Variants in FGL1 observed in about 807,000 individuals in gnomAD.
FGL1 encodes fibrinogen-like protein 1.
A neutral mutation model predicts 43.7 loss-of-function variants in FGL1; 59 were observed. The ratio of observed to expected loss-of-function variants is 1.35; its 90% CI spans 1.10 to 1.68. The LOEUF (loss-of-function observed/expected upper bound fraction) is 1.68, where lower values mean the gene tolerates loss of function less well. FGL1 is among the 40% of genes most tolerant of loss of function. The pLI is 0.00. For missense variants in FGL1, 596 were observed against 373.0 expected (o/e 1.60, Z -4.92); for synonymous variants, 192 against 126.5 (o/e 1.52, Z -3.48).
intron 5 of FGL1, among the ~76,000 whole-genome samples, chr8:17,871,427 C>A (rs905908403): frequency 6.9e-6 from 1 of 144,462 alleles, no homozygotes. Context: ...CAAGAGTCAG[C>A]GGTTTTAGTG....
intron 1 of FGL1, among the ~76,000 whole-genome samples, chr8:17,888,057 A>G (rs419910): frequency 0.66 from 100,523 of 151,614 alleles, 34,076 homozygotes; most frequent in Middle Eastern, 0.74. Context: ...AGAAATAGTA[A>G]TCTTAGGCCC....
chr8:17,892,653 A>G (rs930368461), intron 1 of FGL1, among the ~76,000 whole-genome samples: 3 of 152,224 alleles, frequency 2.0e-5, no homozygotes, highest in Admixed American at 6.5e-5. Flanking sequence ...TTTTTCCTTG[A>G]TAAATGAAAC....
intron 7 of FGL1, among the ~76,000 whole-genome samples, chr8:17,864,953 A>T (rs1181086040): frequency 2.6e-5 from 4 of 151,078 alleles, no homozygotes; most frequent in African/African-American, 7.3e-5. Flanking sequence ...TTATTTTTTA[A>T]TTTTTTTTTA....
chr8:17,866,301 A>G (rs1190815879), intron 7 of FGL1, among the ~76,000 whole-genome samples: 3 of 152,170 alleles, frequency 2.0e-5, no homozygotes, highest in African/African-American at 7.2e-5. Flanking sequence ...GTGAAATGCT[A>G]CACTAACAAA....
intron 7 of FGL1, 161 bp downstream of exon 7, chr8:17,868,387 A>C: frequency 2.0e-6 from 1 of 493,924 alleles, no homozygotes. Context: ...ACAAATCCTC[A>C]AAACGACTTC....
chr8:17,867,690 C>T (rs1387228316), intron 7 of FGL1, among the ~76,000 whole-genome samples: 1 of 152,232 alleles, frequency 6.6e-6, no homozygotes, highest in Non-Finnish European at 1.5e-5. Flanking sequence ...GGAGGGCTTT[C>T]AGCGTGGATA....
At chr8:17,871,595 T>C (rs978474156) in intron 5 of FGL1, among the ~76,000 whole-genome samples, 1 of 152,194 alleles carries the variant, frequency 6.6e-6, no homozygotes, top group African/African-American at 2.4e-5. Flanking sequence ...GTAAACAAAT[T>C]ATATTTACCA....
intron 7 of FGL1, among the ~76,000 whole-genome samples, chr8:17,865,754 G>A (rs2053261019): frequency 6.6e-6 from 1 of 152,136 alleles, no homozygotes; most frequent in African/African-American, 2.4e-5. Flanking sequence ...ATGAAAAGAT[G>A]TCAGAATTAG....
At chr8:17,882,292 G>C in intron 2 of FGL1, 113 bp from the exon 3 acceptor site, 2 of 975,558 alleles carry the variant, frequency 2.1e-6, no homozygotes, top group African/African-American at 1.6e-5. Flanking sequence ...TCCCATTTCA[G>C]AATATTATTC....
In FGL1 at chr8:17,864,480, A is replaced by C; in HGVS notation, c.*112T>G. 8.8e-7 allele frequency: 1 copy of C among 1,137,256 alleles called. No homozygotes were observed. The highest frequency in any genetic ancestry group is 2.6e-5 in the East Asian group (1 of 38,138). 70.4% of individuals were successfully genotyped at this position (1,137,256 alleles called of 1,614,324 possible). The stretch of plus-strand genomic sequence containing the variant: ...ACAAAGGCAAGTGAGAAGAATGAAA[A>C]GCACTACTCACAACAGTTATCATGA... On this transcript the variant is annotated 3_prime_UTR_variant, in exon 8 of 8. Coordinates refer to ENST00000427924, the MANE Select transcript of FGL1 (RefSeq NM_004467.4).
rs1415754951 is a variant in FGL1, at chr8:17,894,075, C to T, written c.-18+1372G>A. Among the ~76,000 whole-genome samples, 2 of 146,312 alleles carry T rather than the reference C, an allele frequency of 1.4e-5. 1 individual carries two copies. Among genetic ancestry groups the T allele is most frequent in the African/African-American group, 5.4e-5 (2 of 37,150 alleles). On this transcript the variant is annotated intron_variant, in intron 1 of 7. Transcript: ENST00000427924. ...TTTAAAAAAAATTTAATTAATTACGCTGCATTAAATTTAAAGATGAAGACA... is the reference window on the plus strand; with the variant it reads ...TTTAAAAAAAATTTAATTAATTACGTTGCATTAAATTTAAAGATGAAGACA...
chr8:17,884,062 T>C (rs2053591621), intron 2 of FGL1, among the ~76,000 whole-genome samples: 1 of 150,520 alleles, frequency 6.6e-6, no homozygotes, highest in Admixed American at 6.6e-5. Context: ...TTTCTTTTGT[T>C]CTTTTCCTTT....
intron 1 of FGL1, among the ~76,000 whole-genome samples, chr8:17,892,013 G>T (rs1330110829): frequency 6.6e-6 from 1 of 152,126 alleles, no homozygotes; most frequent in Admixed American, 6.5e-5. Context: ...ACTGGGCCAA[G>T]GTCATTACCA....
At chr8:17,867,765 G>C (rs1219837731) in intron 7 of FGL1, among the ~76,000 whole-genome samples, 1 of 152,180 alleles carries the variant, frequency 6.6e-6, no homozygotes, top group Non-Finnish European at 1.5e-5. Context: ...TCTCTGCTCA[G>C]AATGACATGC....
intron 3 of FGL1, among the ~76,000 whole-genome samples, chr8:17,875,555 T>C (rs1339748756): frequency 0.021 from 353 of 17,058 alleles, 35 homozygotes; most frequent in African/African-American, 0.05. Flanking sequence ...CTTTCTTTCT[T>C]TCTTTCTTTC....
chr8:17,882,166 C>T lies in FGL1; in HGVS notation c.77G>A (p.Cys26Tyr), dbSNP rs767576667. 3.1e-6 allele frequency: 5 copies of T among 1,613,562 alleles called. No individual in the cohort carries two copies. In the South Asian group the frequency reaches 4.4e-5, roughly 14 times the overall value. The change falls in exon 3 of 8, where the codon TGT becomes TAT. Residue 26 changes from cysteine (C) to tyrosine (Y), a missense_variant. Physicochemically the swap from Cys to Tyr is radical, Grantham distance 194. Coordinates refer to ENST00000427924, the MANE Select transcript of FGL1 (RefSeq NM_004467.4). ...MGREISALED[C>Y]AQEQMRLRAQ... ...TCTGAGCCGCATCTGCTCCTGGGCA[C>T]AGTCCTCGAGCGCCTGCAAAACAGG...
intron 5 of FGL1, among the ~76,000 whole-genome samples, chr8:17,870,463 G>T (rs2299579): frequency 4.6e-5 from 7 of 151,994 alleles, no homozygotes; most frequent in Admixed American, 4.6e-4. Flanking sequence ...CTGTAAGGTC[G>T]GGTTAGAATT....
intron 1 of FGL1, 80 bp from the exon 2 acceptor site, chr8:17,885,651 AG>A: frequency 8.3e-7 from 1 of 1,199,078 alleles, no homozygotes; most frequent in Non-Finnish European, 1.2e-6. Flanking sequence ...CAGTAGCTCC[AG>A]GAAGTCGGAT....
chr8:17,872,913 C>T (rs1479771912), intron 5 of FGL1, among the ~76,000 whole-genome samples: 4 of 151,976 alleles, frequency 2.6e-5, no homozygotes, highest in Admixed American at 2.0e-4. Context: ...GATTGATGGA[C>T]GGATTGAGTA....
Sources: allele counts gnomAD v4.1 joint callset (sites outside exome capture counted in the v4.1 genomes callset), GRCh38; gene constraint gnomAD v4.1.1; transcripts MANE v1.5; gene names NCBI Gene and HGNC (gene_info 2026-07-23, HGNC 2026-07-21).